Variants in EVPLL observed in about 807,000 individuals in gnomAD.
The protein encoded by EVPLL is envoplakin like, also known as envoplakin-like protein.
Under a neutral mutation model 46.2 loss-of-function variants are expected in EVPLL, and 39 were observed. That is an observed-to-expected ratio of 0.84 (90% CI 0.65 to 1.10). The LOEUF (loss-of-function observed/expected upper bound fraction) is 1.10, where lower values mean the gene tolerates loss of function less well. EVPLL is among the 50% of genes least tolerant of loss of function. The pLI, the probability that EVPLL is intolerant of heterozygous loss-of-function variation, is 0.00. For missense variants in EVPLL, 385 were observed against 412.6 expected (o/e 0.93, Z 0.58); for synonymous variants, 156 against 165.8 (o/e 0.94, Z 0.46).
chr17:18,385,274 T>C (rs1240838209), intron 9 of EVPLL, among the ~76,000 whole-genome samples: 1 of 94,844 alleles, frequency 1.1e-5, no homozygotes, highest in African/African-American at 4.6e-5. Context: ...TGAGTCATCC[T>C]GTCTATCACC....
chr17:18,381,981 A>C lies in EVPLL; in HGVS notation c.346+251A>C. The C allele has an allele frequency of 1.8e-6, 1 of 558,164 alleles. No homozygotes were observed. The highest frequency in any genetic ancestry group is 3.1e-6 in the Non-Finnish European group (1 of 321,458). 34.6% of individuals were successfully genotyped at this position (558,164 alleles called of 1,614,324 possible). A position where few individuals can be genotyped will look rare whatever the true frequency, so the allele number is the denominator to read the frequency against. On this transcript the variant is annotated intron_variant, in intron 4 of 10. Coordinates refer to ENST00000399134, the MANE Select transcript of EVPLL (RefSeq NM_001145127.2). This position sits in a 1 kb window ranked among gnomAD's most constrained non-coding sequence, Gnocchi z 4.2. ...TAGTGAGGAGAGGACAATTCCAGAA[A>C]GAAGGAGCAAAGGCACCTGCCAGGA...
At chr17:18,385,524 C>G (rs1199869542) in intron 9 of EVPLL, among the ~76,000 whole-genome samples, 1 of 142,924 alleles carries the variant, frequency 7.0e-6, no homozygotes, top group Non-Finnish European at 1.5e-5. Context: ...TCTTCATTTC[C>G]TAACAGATAC....
In EVPLL at chr17:18,377,875, C is replaced by A. The variant is rs1179772921; in HGVS notation, c.-145C>A. On this transcript the variant is annotated 5_prime_UTR_variant, in exon 1 of 11. Transcript: ENST00000399134. ...CAAGCCCAGCCTGAGCCAGCACCTG[C>A]CTTTATGACCATGTTCAAGGGACTG... 2.0e-6 allele frequency: 2 copies of A among 1,008,748 alleles called. No homozygotes were observed. Among genetic ancestry groups the A allele is most frequent in the African/African-American group, 1.7e-5 (1 of 58,812 alleles). The allele number at this position is 1,008,748 out of a possible 1,614,324, so 62.5% of individuals were successfully genotyped here. A position where few individuals can be genotyped will look rare whatever the true frequency, so the allele number is the denominator to read the frequency against.
chr17:18,384,167 G>C (rs1987694492), intron 9 of EVPLL, among the ~76,000 whole-genome samples: 1 of 151,700 alleles, frequency 6.6e-6, no homozygotes, highest in Admixed American at 6.6e-5. Flanking sequence ...CATATCTGTG[G>C]TATAAATATT....
chr17:18,381,736 G>A lies in EVPLL; in HGVS notation c.346+6G>A. ...ACGTGCTGGAGCAGAAACAGGTCAG[G>A]AGCTCAAAGTCACACCCCAGTGTGA... On this transcript the variant is annotated splice_donor_region_variant and intron_variant, in intron 4 of 10. Coordinates refer to ENST00000399134, the MANE Select transcript of EVPLL (RefSeq NM_001145127.2). This position sits in a 1 kb window ranked among gnomAD's most constrained non-coding sequence, Gnocchi z 4.2. 2.5e-6 allele frequency: 4 copies of A among 1,614,142 alleles called. No homozygotes were observed. Among genetic ancestry groups the A allele is most frequent in the Non-Finnish European group, 3.4e-6 (4 of 1,180,024 alleles).
rs1598096464 is a variant in EVPLL, at chr17:18,382,619, T to A, written c.453T>A (p.Ala151=). The A allele has an allele frequency of 2.6e-6, 4 of 1,551,890 alleles. No individual in the cohort carries two copies. The East Asian group carries it at 9.8e-5, about 38-fold the overall frequency. The change falls in exon 5 of 11, where the codon GCT becomes GCA. Residue 151 remains alanine (A), a synonymous_variant. Coordinates refer to ENST00000399134, the MANE Select transcript of EVPLL (RefSeq NM_001145127.2). ...GAGATCAACGACCAAGGAGAGCAGC[T>A]GCGGAGCCTGGTGGGGCCGGTGGGT... is the stretch of plus-strand genomic sequence containing the variant. ...AEGDQRPRRA[A]AEPGGAGCRH...
In EVPLL at chr17:18,381,880, G is replaced by A. The variant is rs552872521; in HGVS notation, c.346+150G>A. ...GACAGCAGAGGAGACAGTGCAGTCA[G>A]GGAAGACTTCCTGTAGGAGGAGGCA... On this transcript the variant is annotated intron_variant, in intron 4 of 10. Transcript: ENST00000399134. The surrounding 1 kb of genome is among the most constrained non-coding windows in gnomAD (Gnocchi z 4.2). 3.1e-6 allele frequency: 4 copies of A among 1,283,678 alleles called. No individual in the cohort carries two copies. In the African/African-American group the frequency reaches 4.4e-5, roughly 14 times the overall value. 79.5% of individuals were successfully genotyped at this position (1,283,678 alleles called of 1,614,324 possible).
At chr17:18,383,235 G>A in intron 7 of EVPLL, 36 bp from the exon 8 acceptor site, 2 of 1,552,484 alleles carry the variant, frequency 1.3e-6, no homozygotes, top group Non-Finnish European at 1.7e-6. Context: ...GGCCATCCTG[G>A]TCCTCACCGC....
At position 18,381,218 on chromosome 17, in the gene EVPLL, C is replaced by T. The variant is rs1415027320; in HGVS notation, c.64-149C>T. ...GTGTCTTTGTCACCTGCCTCATGGA[C>T]GCCCTGGGCCTGACCCTGTGCCTGG... On this transcript the variant is annotated intron_variant, in intron 2 of 10. Coordinates refer to ENST00000399134, the MANE Select transcript of EVPLL (RefSeq NM_001145127.2). The surrounding 1 kb of genome is among the most constrained non-coding windows in gnomAD (Gnocchi z 4.2). The T allele has an allele frequency of 1.3e-5, 17 of 1,335,670 alleles. No homozygotes were observed. The highest frequency in any genetic ancestry group is 2.7e-5 in the Admixed American group (1 of 37,526). 82.7% of individuals were successfully genotyped at this position (1,335,670 alleles called of 1,614,324 possible).
At chr17:18,382,782 T>C (rs2151628899) in intron 5 of EVPLL, 44 bp from the exon 6 acceptor site, 1 of 1,600,648 alleles carries the variant, frequency 6.2e-7, no homozygotes. Context: ...CGTCTCCCTG[T>C]GCCCCACCTC....
intron 5 of EVPLL, 91 bp from the exon 6 acceptor site, chr17:18,382,735 G>A (rs1204305843): frequency 5.1e-6 from 8 of 1,560,100 alleles, no homozygotes; most frequent in Non-Finnish European, 6.9e-6. Context: ...TGGGGATAGG[G>A]GTGGGTGGGG....
At chr17:18,383,427 AGGG>A in intron 8 of EVPLL, 49 bp downstream of exon 8, 1 of 266,114 alleles carries the variant, frequency 3.8e-6, no homozygotes, top group Non-Finnish European at 6.0e-6. Flanking sequence ...TGGGCGGGGA[AGGG>A]GGGGGTGGAC....
rs1341171662 is a variant in EVPLL, at chr17:18,383,325, G to A, written c.727G>A (p.Glu243Lys). The part of the protein sequence containing the change: ...SQEQSVNQLE[E>K]DGKRMVELRH... Reference sequence around the variant, plus strand: ...GGAGCAGAGCGTAAACCAGCTGGAGGAGGACGGCAAGCGCATGGTGGAGCT... The same window carrying A: ...GGAGCAGAGCGTAAACCAGCTGGAGAAGGACGGCAAGCGCATGGTGGAGCT... The change falls in exon 8 of 11, where the codon GAG (glutamate) becomes AAG (lysine). Residue 243 changes from glutamate to lysine, a missense_variant. By Grantham distance (56) the Glu-to-Lys change is moderately conservative. Transcript: ENST00000399134. The A allele has an allele frequency of 3.1e-6, 5 of 1,605,798 alleles. No individual in the cohort carries two copies. In the Admixed American group the frequency reaches 6.7e-5, roughly 22 times the overall value.
intron 9 of EVPLL, among the ~76,000 whole-genome samples, chr17:18,386,146 C>T (rs1243752011): frequency 6.6e-6 from 1 of 152,078 alleles, no homozygotes; most frequent in Non-Finnish European, 1.5e-5. Context: ...CTTTCCAGGG[C>T]GGTGCGGGAA....
chr17:18,382,272 A>G, intron 4 of EVPLL: 1 of 442,736 alleles, frequency 2.3e-6, no homozygotes, highest in South Asian at 2.3e-5. Flanking sequence ...TCTGAGGCTG[A>G]GCCCAGCGTC....
intron 9 of EVPLL, among the ~76,000 whole-genome samples, chr17:18,385,066 G>A (rs963349537): frequency 4.6e-5 from 7 of 151,766 alleles, no homozygotes; most frequent in African/African-American, 1.2e-4. Context: ...AAGGGAGAGA[G>A]GGAGAGAGAG....
rs2151627486 is a variant in EVPLL at position 18,381,211 on chromosome 17, T to C, written c.64-156T>C. The C allele has an allele frequency of 7.6e-7, 1 of 1,319,672 alleles. No individual in the cohort carries two copies. 81.7% of individuals were successfully genotyped at this position (1,319,672 alleles called of 1,614,324 possible). Reference sequence around the variant, plus strand: ...CTCCCCTGTGTCTTTGTCACCTGCCTCATGGACGCCCTGGGCCTGACCCTG... The same window carrying C: ...CTCCCCTGTGTCTTTGTCACCTGCCCCATGGACGCCCTGGGCCTGACCCTG... On this transcript the variant is annotated intron_variant, in intron 2 of 10. Coordinates refer to ENST00000399134, the MANE Select transcript of EVPLL (RefSeq NM_001145127.2). This position sits in a 1 kb window ranked among gnomAD's most constrained non-coding sequence, Gnocchi z 4.2.
At position 18,381,063 on chromosome 17, in the gene EVPLL, C is replaced by T. The variant is rs1390273228; in HGVS notation, c.63+63C>T. On this transcript the variant is annotated intron_variant, in intron 2 of 10. Coordinates refer to ENST00000399134, the MANE Select transcript of EVPLL (RefSeq NM_001145127.2). The surrounding 1 kb of genome is among the most constrained non-coding windows in gnomAD (Gnocchi z 4.2). The stretch of plus-strand genomic sequence containing the variant: ...CTGGGTGGCATGGGAGGCCCATCAT[C>T]AGGCCTGGCACTCCCTGAGTGCCCC... The T allele has an allele frequency of 1.3e-6, 2 of 1,536,266 alleles. No individual in the cohort carries two copies. The highest frequency in any genetic ancestry group is 2.0e-5 in the Admixed American group (1 of 50,958).
chr17:18,384,209 G>C (rs1459143901), intron 9 of EVPLL, among the ~76,000 whole-genome samples: 1 of 152,158 alleles, frequency 6.6e-6, no homozygotes, highest in Non-Finnish European at 1.5e-5. Flanking sequence ...GCTCACACCT[G>C]TAATTCCAGC....
Sources: gnomAD v4.1 joint callset for allele counts (sites outside exome capture counted in the v4.1 genomes callset) on GRCh38, gnomAD v4.1.1 for gene constraint, Gnocchi (gnomAD v3.1) non-coding constraint, MANE v1.5 for transcripts, NCBI Gene and HGNC (gene_info 2026-07-23, HGNC 2026-07-21) for gene names.